The following ZNF462 variants were observed in gnomAD, a reference collection of about 807,000 sequenced individuals.
ZNF462 encodes the protein zinc finger protein 462.
A neutral mutation model predicts 201.9 loss-of-function variants in ZNF462; 10 were observed. The ratio of observed to expected loss-of-function variants is 0.05; its 90% CI spans 0.03 to 0.08. ZNF462 has a LOEUF of 0.08. Ranked by LOEUF, ZNF462 falls within the 10% of genes least tolerant of loss-of-function variation. The pLI is 1.00. For synonymous variants in ZNF462, 1,227 were observed against 1,193.3 expected (o/e 1.03, Z -0.58); for missense variants, 2,523 against 3,168.3 (o/e 0.80, Z 4.89).
intron 10 of ZNF462, among the ~76,000 whole-genome samples, chr9:106,997,461 G>A (rs571466958): frequency 2.9e-4 from 44 of 152,240 alleles, no homozygotes; most frequent in African/African-American, 1.0e-3. Context: ...TTTTTAAAAA[G>A]TGGTACATAA....
Position 107,010,338 on chromosome 9 carries a change from TC to T in ZNF462, c.7314-484del, listed in dbSNP as rs1157986406. 3.9e-5 allele frequency among the ~76,000 whole-genome samples: 6 copies of T among 152,268 alleles called. No homozygotes were observed. Among genetic ancestry groups the T allele is most frequent in the Admixed American group, 3.9e-4 (6 of 15,282 alleles). ...GCTTCCCGAGACATGGGTTCCATCT[TC>T]AGGTTTTTGTTTTTAGTTTGTTTTC... On this transcript the variant is annotated intron_variant, in intron 12 of 12. Transcript: ENST00000277225. This position sits in a 1 kb window ranked among gnomAD's most constrained non-coding sequence, Gnocchi z 4.6.
intron 11 of ZNF462, among the ~76,000 whole-genome samples, chr9:107,007,024 G>T (rs1477831995): frequency 6.6e-6 from 1 of 151,898 alleles, no homozygotes; most frequent in Non-Finnish European, 1.5e-5. Context: ...TCTCTGCACT[G>T]TTACCGGAGT....
chr9:106,965,608 TCAAA>T (rs141972169), intron 7 of ZNF462, among the ~76,000 whole-genome samples: 18,950 of 151,926 alleles, frequency 0.12, 1,209 homozygotes, highest in African/African-American at 0.14. Context: ...CAATTTGAGC[TCAAA>T]CAAAGTGGTG....
chr9:106,862,749 C>G (rs1190606808), upstream of ZNF462, among the ~76,000 whole-genome samples: 46 of 152,284 alleles, frequency 3.0e-4, no homozygotes, highest in African/African-American at 1.0e-3. The surrounding 1 kb of genome is among the most constrained non-coding windows in gnomAD (Gnocchi z 4.2). Context: ...GCAGCAGCCT[C>G]AGCATCTCCT....
Position 106,928,628 on chromosome 9 carries a change from A to G in ZNF462, c.4716A>G (p.Gln1572=). The G allele has an allele frequency of 6.2e-7, 1 of 1,614,160 alleles. No homozygotes were observed. The highest frequency in any genetic ancestry group is 2.2e-5 in the East Asian group (1 of 44,880). The change falls in exon 3 of 13, where the codon CAA becomes CAG. Residue 1572 remains glutamine (Q), a synonymous_variant. Transcript: ENST00000277225. The surrounding 1 kb of genome is among the most constrained non-coding windows in gnomAD (Gnocchi z 9.3). ...DVEETSRIFK[Q]GYGAYRCKLC... ...AGGAGACGAGCAGGATCTTCAAGCA[A>G]GGGTATGGCGCCTACCGGTGCAAAC... is the stretch of plus-strand genomic sequence containing the variant.
In ZNF462 at chr9:106,952,596, A is replaced by G. The variant is rs556844937; in HGVS notation, c.6427+13489A>G. On this transcript the variant is annotated intron_variant, in intron 7 of 12. Coordinates refer to ENST00000277225, the MANE Select transcript of ZNF462 (RefSeq NM_021224.6). ...ATCTGAACTTCAGGGCTTGGTTGGAACCACCCAAATAAGAAACTCCTTAGC... is the reference window on the plus strand; with the variant it reads ...ATCTGAACTTCAGGGCTTGGTTGGAGCCACCCAAATAAGAAACTCCTTAGC... 1.0e-3 allele frequency among the ~76,000 whole-genome samples: 157 copies of G among 152,232 alleles called. 1 individual carries two copies. The highest frequency in any genetic ancestry group is 3.5e-3 in the African/African-American group (146 of 41,516).
In ZNF462 at chr9:106,917,090, G is replaced by A. The variant is rs1350068626; in HGVS notation, c.-30-6264G>A. Among the ~76,000 whole-genome samples the A allele has an allele frequency of 6.6e-6, 1 of 152,220 alleles. No individual in the cohort carries two copies. Among genetic ancestry groups the A allele is most frequent in the Non-Finnish European group, 1.5e-5 (1 of 68,036 alleles). Reference sequence around the variant, plus strand: ...CTTATATCATTGCAAAGGAATGCATGAATTCTCCAGAAGGTATGTAGTATC... The same window carrying A: ...CTTATATCATTGCAAAGGAATGCATAAATTCTCCAGAAGGTATGTAGTATC... On this transcript the variant is annotated intron_variant, in intron 1 of 12. Coordinates refer to ENST00000277225, the MANE Select transcript of ZNF462 (RefSeq NM_021224.6). This position sits in a 1 kb window ranked among gnomAD's most constrained non-coding sequence, Gnocchi z 4.5.
At chr9:106,909,239 A>C (rs908612933) in intron 1 of ZNF462, among the ~76,000 whole-genome samples, 3 of 135,622 alleles carry the variant, frequency 2.2e-5, no homozygotes, top group African/African-American at 1.0e-4. Flanking sequence ...CTGGGATTAC[A>C]GGCCCGTTAA....
chr9:106,946,673 TAA>T (rs1564124397), intron 7 of ZNF462, among the ~76,000 whole-genome samples: 1 of 152,000 alleles, frequency 6.6e-6, no homozygotes, highest in African/African-American at 2.4e-5. Flanking sequence ...ATAATTTTTT[TAA>T]AAGTGTGAAG....
intron 1 of ZNF462, among the ~76,000 whole-genome samples, chr9:106,875,770 A>G (rs1278323500): frequency 2.6e-5 from 4 of 152,200 alleles, no homozygotes; most frequent in South Asian, 2.1e-4. Flanking sequence ...CCAGATTGTC[A>G]TTTGGCAGGC....
Position 106,968,326 on chromosome 9 carries a change from T to C in ZNF462, c.6428-3679T>C, listed in dbSNP as rs1295043056. The stretch of plus-strand genomic sequence containing the variant: ...GCTTCTGAATAAATTCTAAATCCTA[T>C]AGGCACTGTGACCATCATTGCTAAA... On this transcript the variant is annotated intron_variant, in intron 7 of 12. Coordinates refer to ENST00000277225, the MANE Select transcript of ZNF462 (RefSeq NM_021224.6). This position sits in a 1 kb window ranked among gnomAD's most constrained non-coding sequence, Gnocchi z 4.0. Among the ~76,000 whole-genome samples, 1 of 152,218 alleles carries C rather than the reference T, an allele frequency of 6.6e-6. No homozygotes were observed. The highest frequency in any genetic ancestry group is 1.5e-5 in the Non-Finnish European group (1 of 68,032).
chr9:106,923,476 G>C lies in ZNF462; in HGVS notation c.93G>C (p.Leu31=). The part of the protein sequence containing the change: ...AHIQDVHTAF[L]QPTDVAEDNV... ...TTCAGGATGTCCACACGGCATTTCT[G>C]CAGCCAACTGATGTTGCTGAGGACA... Residue 31 remains leucine (L), a synonymous_variant, in exon 2 of 13, where the codon CTG becomes CTC. Transcript: ENST00000277225. The surrounding 1 kb of genome is among the most constrained non-coding windows in gnomAD (Gnocchi z 5.6). The C allele has an allele frequency of 3.7e-6, 6 of 1,614,238 alleles. No individual in the cohort carries two copies. The highest frequency in any genetic ancestry group is 4.2e-6 in the Non-Finnish European group (5 of 1,180,052).
Position 107,009,582 on chromosome 9 carries a change from C to T in ZNF462, c.7227C>T (p.Asn2409=), listed in dbSNP as rs758705864. The T allele has an allele frequency of 1.4e-5, 22 of 1,613,884 alleles. No individual in the cohort carries two copies. Among genetic ancestry groups the T allele is most frequent in the Non-Finnish European group, 1.7e-5 (20 of 1,179,960 alleles). ...TTTCTGACCACGGGGCTGCTCTTAA[C>T]ACTGAGAAGCGTTTTCCATGTGAAT... ...MRFSDHGAAL[N]TEKRFPCEFC... Residue 2409 remains asparagine, a synonymous_variant, in exon 12 of 13, where the codon AAC becomes AAT. Coordinates refer to ENST00000277225, the MANE Select transcript of ZNF462 (RefSeq NM_021224.6). This position sits in a 1 kb window ranked among gnomAD's most constrained non-coding sequence, Gnocchi z 6.1.
rs1298588470 is a variant in ZNF462 at position 107,012,162 on chromosome 9, C to T, written c.*1132C>T. 1 of 136,462 alleles carries T rather than the reference C, an allele frequency of 7.3e-6. No individual in the cohort carries two copies. The highest frequency in any genetic ancestry group is 1.5e-5 in the Non-Finnish European group (1 of 65,722). 8.5% of individuals were successfully genotyped at this position (136,462 alleles called of 1,614,324 possible). ...CTAAAGAACCAAACTTTCGGCACAGCTATGCAGCTTGTGGGCCAGACGAGG... is the reference window on the plus strand; with the variant it reads ...CTAAAGAACCAAACTTTCGGCACAGTTATGCAGCTTGTGGGCCAGACGAGG... On this transcript the variant is annotated 3_prime_UTR_variant, in exon 13 of 13. Coordinates refer to ENST00000277225, the MANE Select transcript of ZNF462 (RefSeq NM_021224.6).
At position 106,929,420 on chromosome 9, in the gene ZNF462, T is replaced by C. The variant is rs1283919586; in HGVS notation, c.5508T>C (p.Gly1836=). ...RGNFEKAEVE[G]EAQEIEWLPF... Reference sequence around the variant, plus strand: ...ACTTTGAGAAAGCCGAGGTGGAGGGTGAAGCTCAGGAAATCGAGTGGCTCC... The same window carrying C: ...ACTTTGAGAAAGCCGAGGTGGAGGGCGAAGCTCAGGAAATCGAGTGGCTCC... The change falls in exon 3 of 13, where the codon GGT becomes GGC. Residue 1836 remains glycine (G), a synonymous_variant. Coordinates refer to ENST00000277225, the MANE Select transcript of ZNF462 (RefSeq NM_021224.6). This position sits in a 1 kb window ranked among gnomAD's most constrained non-coding sequence, Gnocchi z 8.7. 2 of 1,613,620 alleles carry C rather than the reference T, an allele frequency of 1.2e-6. No homozygotes were observed. The highest frequency in any genetic ancestry group is 1.7e-6 in the Non-Finnish European group (2 of 1,179,984).
At position 106,872,434 on chromosome 9, in the gene ZNF462, A is replaced by T. The variant is rs1466021683; in HGVS notation, c.-31+9079A>T. Among the ~76,000 whole-genome samples, 1 of 152,138 alleles carries T rather than the reference A, an allele frequency of 6.6e-6. No homozygotes were observed. Among genetic ancestry groups the T allele is most frequent in the Non-Finnish European group, 1.5e-5 (1 of 68,016 alleles). On this transcript the variant is annotated intron_variant, in intron 1 of 12. Transcript: ENST00000277225. The surrounding 1 kb of genome is among the most constrained non-coding windows in gnomAD (Gnocchi z 4.5). Reference sequence around the variant, plus strand: ...GCTGGAGTGCAGTGGCACGATCTCCACTTAAGCAACTGCTGCCTCCCAGGT... The same window carrying T: ...GCTGGAGTGCAGTGGCACGATCTCCTCTTAAGCAACTGCTGCCTCCCAGGT...
chr9:106,997,661 C>G (rs1416883839), intron 10 of ZNF462, among the ~76,000 whole-genome samples: 1 of 152,148 alleles, frequency 6.6e-6, no homozygotes, highest in African/African-American at 2.4e-5. Context: ...AGAGACAATA[C>G]TTTGCTGAAT....
chr9:106,967,749 G>C (rs1425873076), intron 7 of ZNF462, among the ~76,000 whole-genome samples: 1 of 152,158 alleles, frequency 6.6e-6, no homozygotes, highest in Non-Finnish European at 1.5e-5. Flanking sequence ...CATTTAGACA[G>C]ATAGGTTTCC....
At chr9:106,869,020 T>C (rs1442196475) in intron 1 of ZNF462, among the ~76,000 whole-genome samples, 1 of 152,196 alleles carries the variant, frequency 6.6e-6, no homozygotes, top group Admixed American at 6.5e-5. Context: ...TTTCTTTTCA[T>C]CTTTCCTGCT....
Sources: gnomAD v4.1 joint callset for allele counts (sites outside exome capture counted in the v4.1 genomes callset) on GRCh38, gnomAD v4.1.1 for gene constraint, Gnocchi (gnomAD v3.1) non-coding constraint, MANE v1.5 for transcripts, NCBI Gene and HGNC (gene_info 2026-07-23, HGNC 2026-07-21) for gene names.